SYN2: variants seen among roughly 807,000 people sequenced by gnomAD.
The protein encoded by SYN2 is synapsin II, also known as synapsin-2.
SYN2 carries 19 observed loss-of-function variants against 50.9 expected under a neutral mutation model. That is an observed-to-expected ratio of 0.37 (90% CI 0.26 to 0.55). SYN2 has a LOEUF of 0.55. Among genes scored for constraint, SYN2 ranks in the 20% least tolerant of loss-of-function variants. The pLI is 0.81. For missense variants in SYN2, 587 were observed against 576.4 expected (o/e 1.02, Z -0.19); for synonymous variants, 255 against 224.9 (o/e 1.13, Z -1.20).
intron 1 of SYN2, among the ~76,000 whole-genome samples, chr3:12,118,025 A>G (rs1296370973): frequency 6.6e-6 from 1 of 152,202 alleles, no homozygotes; most frequent in Non-Finnish European, 1.5e-5. Flanking sequence ...AGTAAAAACT[A>G]AAAAGGAAGA....
At chr3:12,025,992 A>C (rs146358460) in intron 1 of SYN2, among the ~76,000 whole-genome samples, 2 of 152,354 alleles carry the variant, frequency 1.3e-5, no homozygotes, top group Non-Finnish European at 2.9e-5. Flanking sequence ...ATGGGAAGGC[A>C]GGAATGCCAT....
intron 10 of SYN2, among the ~76,000 whole-genome samples, chr3:12,172,931 A>G (rs1031220878): frequency 6.6e-6 from 1 of 152,270 alleles, no homozygotes; most frequent in East Asian, 1.9e-4. Flanking sequence ...CCATGTGGGC[A>G]AGGACTGTGC....
At chr3:12,141,805 A>G (rs1220001568) in intron 2 of SYN2, 100 bp from the exon 3 acceptor site, 3 of 706,530 alleles carry the variant, frequency 4.2e-6, no homozygotes, top group Admixed American at 2.0e-5. Context: ...TGTTTTGAAA[A>G]CTGTATATAA....
intron 1 of SYN2, among the ~76,000 whole-genome samples, chr3:12,005,898 A>G (rs1029500842): frequency 6.7e-6 from 1 of 148,202 alleles, no homozygotes; most frequent in Non-Finnish European, 1.5e-5. Flanking sequence ...AACCTAGGGA[A>G]TGGTGGGATG....
At chr3:12,147,608 T>C (rs2125221612) in intron 4 of SYN2, among the ~76,000 whole-genome samples, 1 of 152,318 alleles carries the variant, frequency 6.6e-6, no homozygotes, top group East Asian at 1.9e-4. Flanking sequence ...CTAACCCACG[T>C]GCACCCCCGG....
At chr3:12,187,336 T>A in intron 11 of SYN2, 33 bp from the exon 12 acceptor site, 1 of 1,495,280 alleles carries the variant, frequency 6.7e-7, no homozygotes, top group South Asian at 1.3e-5. Context: ...TTTATATGGT[T>A]AAATTATGAA....
At chr3:12,098,569 A>G (rs1695994551) in intron 1 of SYN2, among the ~76,000 whole-genome samples, 1 of 152,062 alleles carries the variant, frequency 6.6e-6, no homozygotes. Flanking sequence ...TTTTAAAAAA[A>G]GTAAATAAAT....
In SYN2 at chr3:12,156,375, A is replaced by G. The variant is rs570124862; in HGVS notation, c.774+5049A>G. 2.6e-5 allele frequency among the ~76,000 whole-genome samples: 4 copies of G among 152,302 alleles called. No individual in the cohort carries two copies. The South Asian group carries it at 8.3e-4, about 32-fold the overall frequency. On this transcript the variant is annotated intron_variant, in intron 5 of 12. Transcript: ENST00000621198. Reference sequence around the variant, plus strand: ...ACTGTTCTATCCCAGCCAATTCAGTATGGAGGAATCCTGCCTGGGCCCAAG... The same window carrying G: ...ACTGTTCTATCCCAGCCAATTCAGTGTGGAGGAATCCTGCCTGGGCCCAAG...
intron 1 of SYN2, among the ~76,000 whole-genome samples, chr3:12,092,343 G>A (rs867469458): frequency 6.6e-6 from 1 of 152,144 alleles, no homozygotes; most frequent in East Asian, 1.9e-4. Context: ...TCTTTAAGAG[G>A]TGGTTAAGAC....
intron 1 of SYN2, among the ~76,000 whole-genome samples, chr3:12,093,859 A>ATTTTT (rs34441908): frequency 6.9e-6 from 1 of 144,102 alleles, no homozygotes; most frequent in Admixed American, 7.0e-5. Flanking sequence ...CTGCCCTGCA[A>ATTTTT]TTTTTTTTTT....
At chr3:12,184,807 G>T in intron 11 of SYN2, 5 of 985,886 alleles carry the variant, frequency 5.1e-6, no homozygotes, top group Non-Finnish European at 6.0e-6. Flanking sequence ...TCCCGGCCAG[G>T]CTGGGAACGG....
chr3:12,092,703 A>T (rs1003933866), intron 1 of SYN2, among the ~76,000 whole-genome samples: 14 of 152,158 alleles, frequency 9.2e-5, no homozygotes, highest in Admixed American at 3.9e-4. Context: ...TGTGTTTCAT[A>T]TGTCATTGCA....
At chr3:12,137,670 A>G (rs759111516) in intron 1 of SYN2, among the ~76,000 whole-genome samples, 56 of 152,248 alleles carry the variant, frequency 3.7e-4, no homozygotes, top group African/African-American at 1.1e-3. Context: ...TGCTGAAAGC[A>G]TATCACTAAG....
chr3:12,056,927 A>G (rs559573996), intron 1 of SYN2, among the ~76,000 whole-genome samples: 61 of 152,356 alleles, frequency 4.0e-4, no homozygotes, highest in African/African-American at 1.4e-3. Context: ...AATCTGTTAT[A>G]TAAAAGACTG....
intron 8 of SYN2, 95 bp downstream of exon 8, chr3:12,167,403 C>T (rs555163291): frequency 1.5e-6 from 2 of 1,318,196 alleles, no homozygotes; most frequent in East Asian, 2.5e-5. Context: ...CAAAGGGAGT[C>T]ATGGAGCAAA....
chr3:12,099,518 A>G (rs1303480582), intron 1 of SYN2, among the ~76,000 whole-genome samples: 2 of 152,216 alleles, frequency 1.3e-5, no homozygotes, highest in African/African-American at 2.4e-5. Context: ...CAAACATACC[A>G]TATTGAAATC....
chr3:12,108,362 C>T (rs1213988564), intron 1 of SYN2, among the ~76,000 whole-genome samples: 4 of 152,106 alleles, frequency 2.6e-5, no homozygotes, highest in African/African-American at 4.8e-5. Context: ...ATGAAAATAA[C>T]GCAGATATCC....
chr3:12,158,768 C>T, intron 5 of SYN2: 12 of 1,606,128 alleles, frequency 7.5e-6, no homozygotes, highest in Non-Finnish European at 9.3e-6. Flanking sequence ...TCACCCAGCC[C>T]CGGGGGCCGC....
At chr3:12,134,056 C>T (rs1346425691) in intron 1 of SYN2, among the ~76,000 whole-genome samples, 1 of 152,062 alleles carries the variant, frequency 6.6e-6, no homozygotes, top group African/African-American at 2.4e-5. Flanking sequence ...TTGTGAATAC[C>T]ATTGAAGTGT....
Sources: gnomAD v4.1 joint callset for allele counts (sites outside exome capture counted in the v4.1 genomes callset) on GRCh38, gnomAD v4.1.1 for gene constraint, MANE v1.5 for transcripts, NCBI Gene and HGNC (gene_info 2026-07-23, HGNC 2026-07-21) for gene names.